Variants in ATF6 observed in about 807,000 individuals in gnomAD.
ATF6 encodes the protein activating transcription factor 6, also known as cyclic AMP-dependent transcription factor ATF-6 alpha.
A neutral mutation model predicts 83.6 loss-of-function variants in ATF6; 53 were observed. The observed-to-expected ratio is 0.63, with a 90% CI of 0.51 to 0.80. ATF6 has a LOEUF of 0.80. Among genes scored for constraint, ATF6 ranks in the 30% least tolerant of loss-of-function variants. ATF6 has a pLI of 0.00. For missense variants in ATF6, 744 were observed against 797.9 expected (o/e 0.93, Z 0.81); for synonymous variants, 288 against 285.8 (o/e 1.01, Z -0.08).
chr1:161,839,803 G>A (rs1439891029), intron 9 of ATF6, among the ~76,000 whole-genome samples: 1 of 152,174 alleles, frequency 6.6e-6, no homozygotes, highest in Non-Finnish European at 1.5e-5. Flanking sequence ...AGCCATTGCA[G>A]GGATCCTGGG....
rs34420630 is a variant in ATF6, at chr1:161,790,809, TCAACAACAA to T, written c.355-568_355-560del. Among the ~76,000 whole-genome samples, 696 of 149,792 alleles carry T rather than the reference TCAACAACAA, an allele frequency of 4.6e-3. 7 individuals carry two copies. The highest frequency in any genetic ancestry group is 0.023 in the South Asian group (109 of 4,664). ...TTGGGCAACAGAGTGAGACTCTGTC[TCAACAACAA>T]CAACAACAACAACAACAACAACAAC... On this transcript the variant is annotated intron_variant, in intron 4 of 15. Transcript: ENST00000367942.
At chr1:161,812,296 TG>T in intron 7 of ATF6, among the ~76,000 whole-genome samples, 2 of 150,678 alleles carry the variant, frequency 1.3e-5, no homozygotes, top group East Asian at 3.9e-4. Flanking sequence ...GCTTTGTGTG[TG>T]TGTGTGTGTG....
At chr1:161,897,727 T>C (rs1364344663) in intron 14 of ATF6, among the ~76,000 whole-genome samples, 1 of 152,328 alleles carries the variant, frequency 6.6e-6, no homozygotes, top group African/African-American at 2.4e-5. Context: ...ACACACTAGA[T>C]TTTGAAGACT....
intron 7 of ATF6, among the ~76,000 whole-genome samples, chr1:161,810,927 A>G (rs1315314632): frequency 6.6e-6 from 1 of 152,120 alleles, no homozygotes; most frequent in African/African-American, 2.4e-5. Context: ...ATGTTGAAGC[A>G]TGTGTCAGTG....
chr1:161,869,662 C>T (rs1054938025), intron 14 of ATF6, among the ~76,000 whole-genome samples: 4 of 151,780 alleles, frequency 2.6e-5, no homozygotes, highest in African/African-American at 4.8e-5. Context: ...AATATATTCT[C>T]ATTCAGGTCT....
At chr1:161,875,783 G>A (rs1288895953) in intron 14 of ATF6, among the ~76,000 whole-genome samples, 1 of 151,840 alleles carries the variant, frequency 6.6e-6, no homozygotes, top group African/African-American at 2.4e-5. Flanking sequence ...TTTTCCTCTA[G>A]ACAACAATTG....
At chr1:161,923,471 A>T (rs1236411025) in intron 15 of ATF6, among the ~76,000 whole-genome samples, 1 of 152,052 alleles carries the variant, frequency 6.6e-6, no homozygotes, top group Non-Finnish European at 1.5e-5. Context: ...ATTTTCTCCC[A>T]CTTAGCAGAG....
chr1:161,909,683 A>G (rs7519012), intron 14 of ATF6, among the ~76,000 whole-genome samples: 22,299 of 152,166 alleles, frequency 0.15, 2,230 homozygotes, highest in East Asian at 0.33. Context: ...AGGGCCGGTC[A>G]CAGAGGCTCA....
At chr1:161,872,706 C>T (rs1053019567) in intron 14 of ATF6, among the ~76,000 whole-genome samples, 2 of 151,458 alleles carry the variant, frequency 1.3e-5, no homozygotes, top group African/African-American at 4.8e-5. Flanking sequence ...CTTGTGTAAA[C>T]ATTAAAATCA....
At chr1:161,788,490 A>G (rs1196919130) in intron 4 of ATF6, among the ~76,000 whole-genome samples, 5 of 152,082 alleles carry the variant, frequency 3.3e-5, no homozygotes, top group African/African-American at 1.2e-4. Context: ...CAAATTGCCT[A>G]TATCTTTTCC....
chr1:161,828,946 C>T (rs963686222), intron 9 of ATF6, among the ~76,000 whole-genome samples: 3 of 152,008 alleles, frequency 2.0e-5, no homozygotes, highest in Admixed American at 2.0e-4. Context: ...GGAAGATCTA[C>T]CAAGCAAATG....
chr1:161,803,180 G>C (rs746282636), intron 7 of ATF6, among the ~76,000 whole-genome samples: 2 of 152,120 alleles, frequency 1.3e-5, no homozygotes, highest in South Asian at 4.1e-4. Context: ...TCAGACTACT[G>C]TCTGATCTGT....
chr1:161,859,592 C>T (rs961285120), intron 12 of ATF6, among the ~76,000 whole-genome samples: 2 of 152,132 alleles, frequency 1.3e-5, no homozygotes, highest in Non-Finnish European at 2.9e-5. Context: ...TGACAAACCG[C>T]TTCTGAAAAT....
intron 14 of ATF6, among the ~76,000 whole-genome samples, chr1:161,886,191 G>A (rs1271718634): frequency 2.6e-5 from 4 of 152,090 alleles, no homozygotes; most frequent in Non-Finnish European, 5.9e-5. Flanking sequence ...GAGAATTGTT[G>A]GAATGTAGTC....
chr1:161,961,533 A>G lies in ATF6; in HGVS notation c.*2879A>G, dbSNP rs1350000316. On this transcript the variant is annotated 3_prime_UTR_variant, in exon 16 of 16. Coordinates refer to ENST00000367942, the MANE Select transcript of ATF6 (RefSeq NM_007348.4). ...TTTTATTTTAATGTTTGTATGCACA[A>G]GGCCCTTTAGGAAATGAGAAGTTGC... is the stretch of plus-strand genomic sequence containing the variant. 1 of 151,798 alleles carries G rather than the reference A, an allele frequency of 6.6e-6. No homozygotes were observed. Among genetic ancestry groups the G allele is most frequent in the Non-Finnish European group, 1.5e-5 (1 of 67,986 alleles). The allele number at this position is 151,798 out of a possible 1,614,324, so 9.4% of individuals were successfully genotyped here. A position where few individuals can be genotyped will look rare whatever the true frequency, so the allele number is the denominator to read the frequency against.
At chr1:161,878,537 A>G (rs977622459) in intron 14 of ATF6, among the ~76,000 whole-genome samples, 1 of 152,170 alleles carries the variant, frequency 6.6e-6, no homozygotes, top group Non-Finnish European at 1.5e-5. Flanking sequence ...TGAGAGCAGC[A>G]AAGGACGGTT....
intron 1 of ATF6, among the ~76,000 whole-genome samples, chr1:161,773,909 A>C (rs1454855658): frequency 6.6e-6 from 1 of 152,164 alleles, no homozygotes; most frequent in Non-Finnish European, 1.5e-5. Context: ...TTTTTTAACC[A>C]CAGAAAAGTC....
At chr1:161,903,868 C>T (rs1483175188) in intron 14 of ATF6, among the ~76,000 whole-genome samples, 1 of 152,140 alleles carries the variant, frequency 6.6e-6, no homozygotes, top group Middle Eastern at 3.2e-3. Context: ...AATGCAGAGT[C>T]CTGGAACTAT....
At chr1:161,877,767 G>C (rs1028696680) in intron 14 of ATF6, among the ~76,000 whole-genome samples, 1 of 152,068 alleles carries the variant, frequency 6.6e-6, no homozygotes, top group Non-Finnish European at 1.5e-5. Flanking sequence ...CAATTAGAAG[G>C]CTTTTTCAGT....
Sources: gnomAD v4.1 joint callset for allele counts (sites outside exome capture counted in the v4.1 genomes callset) on GRCh38, gnomAD v4.1.1 for gene constraint, MANE v1.5 for transcripts, NCBI Gene and HGNC (gene_info 2026-07-23, HGNC 2026-07-21) for gene names.